The following DAPK2 variants were observed in gnomAD, a reference collection of about 807,000 sequenced individuals.
The protein encoded by DAPK2 is death associated protein kinase 2.
Under a neutral mutation model 44.1 loss-of-function variants are expected in DAPK2, and 35 were observed. That is an observed-to-expected ratio of 0.79 (90% CI 0.61 to 1.05). DAPK2 has a LOEUF of 1.05. Ranked by LOEUF, DAPK2 falls within the 50% of genes least tolerant of loss-of-function variation. The pLI is 0.00. For missense variants in DAPK2, 453 were observed against 483.2 expected (o/e 0.94, Z 0.59); for synonymous variants, 174 against 182.6 (o/e 0.95, Z 0.38).
At chr15:63,965,217 T>A (rs2078020994) in intron 3 of DAPK2, among the ~76,000 whole-genome samples, 2 of 152,240 alleles carry the variant, frequency 1.3e-5, no homozygotes, top group African/African-American at 4.8e-5. Context: ...CTTGTAAAGG[T>A]ACTGCCTTGG....
rs377308488 is a variant in DAPK2, at chr15:64,025,049, G to C, written c.92+15121C>G. 9.9e-5 allele frequency among the ~76,000 whole-genome samples: 15 copies of C among 152,234 alleles called. No individual in the cohort carries two copies. In the South Asian group the frequency reaches 1.3e-3, roughly 13 times the overall value. On this transcript the variant is annotated intron_variant, in intron 1 of 10. Coordinates refer to ENST00000261891, the Ensembl canonical transcript of DAPK2. ...AGCAGGCTCCCCAGTAAACCACCAAGAGACCCAGACACTATTAACAACCAC... is the reference window on the plus strand; with the variant it reads ...AGCAGGCTCCCCAGTAAACCACCAACAGACCCAGACACTATTAACAACCAC...
At chr15:63,977,779 G>A (rs1032807543) in intron 2 of DAPK2, among the ~76,000 whole-genome samples, 2 of 152,194 alleles carry the variant, frequency 1.3e-5, no homozygotes, top group Non-Finnish European at 2.9e-5. Flanking sequence ...GAGGTCTCAG[G>A]AGAGCAAGTG....
chr15:63,951,915 A>G (rs1444490783), intron 3 of DAPK2, among the ~76,000 whole-genome samples: 1 of 152,196 alleles, frequency 6.6e-6, no homozygotes, highest in Non-Finnish European at 1.5e-5. Context: ...GGTAGCAGAA[A>G]GTGACTCACT....
chr15:64,005,720 T>C (rs1567268280), intron 1 of DAPK2, among the ~76,000 whole-genome samples: 1 of 151,980 alleles, frequency 6.6e-6, no homozygotes, highest in Non-Finnish European at 1.5e-5. Context: ...AAGAACCAGA[T>C]TCAAACCACA....
At chr15:63,975,845 C>T (rs2078331756) in intron 2 of DAPK2, among the ~76,000 whole-genome samples, 1 of 152,222 alleles carries the variant, frequency 6.6e-6, no homozygotes, top group Non-Finnish European at 1.5e-5. Flanking sequence ...CCGTCCACCT[C>T]AGCCTCCCAA....
intron 3 of DAPK2, among the ~76,000 whole-genome samples, chr15:63,950,329 T>C (rs1405371537): frequency 6.6e-6 from 1 of 152,096 alleles, no homozygotes; most frequent in East Asian, 1.9e-4. Flanking sequence ...GATCCTCCCA[T>C]CTCAGCCTCT....
intron 1 of DAPK2, among the ~76,000 whole-genome samples, chr15:64,033,981 G>A (rs1338732974): frequency 6.6e-6 from 1 of 151,476 alleles, no homozygotes; most frequent in Non-Finnish European, 1.5e-5. Flanking sequence ...CTCAGCGAGA[G>A]GGCAGAGGGA....
chr15:64,009,415 A>G (rs1480661059), intron 1 of DAPK2, among the ~76,000 whole-genome samples: 1 of 151,866 alleles, frequency 6.6e-6, no homozygotes, highest in Non-Finnish European at 1.5e-5. Context: ...GCTCAAGATT[A>G]TTTTCTCCTT....
chr15:64,028,513 G>T (rs923428884), intron 1 of DAPK2, among the ~76,000 whole-genome samples: 13 of 152,150 alleles, frequency 8.5e-5, no homozygotes, highest in Non-Finnish European at 1.5e-4. Context: ...GAGAAAAACT[G>T]CTATAAAGAA....
chr15:63,999,844 C>A (rs1175224952), intron 1 of DAPK2, among the ~76,000 whole-genome samples: 1 of 151,990 alleles, frequency 6.6e-6, no homozygotes, highest in Non-Finnish European at 1.5e-5. Context: ...CAGTTCACTG[C>A]AGCCTCAAAC....
At chr15:64,003,577 T>C (rs1384478405) in intron 1 of DAPK2, among the ~76,000 whole-genome samples, 5 of 152,142 alleles carry the variant, frequency 3.3e-5, no homozygotes, top group Non-Finnish European at 7.4e-5. Flanking sequence ...AAGTTTCTTT[T>C]CTTTCTTTTC....
In DAPK2 at chr15:64,046,231, G is replaced by T; in HGVS notation, c.-7+67C>A. ...TCTTCGCCCCGCCAGCCCCAGACCC[G>T]GGCGCTGCTGCCGTCAGGCCGCGCG... On this transcript the variant is annotated intron_variant, in intron 1 of 11. Coordinates refer to the DAPK2 transcript ENST00000457488. The surrounding 1 kb of genome is among the most constrained non-coding windows in gnomAD (Gnocchi z 5.3). 1.5e-6 allele frequency: 1 copy of T among 685,468 alleles called. No individual in the cohort carries two copies. Among genetic ancestry groups the T allele is most frequent in the Non-Finnish European group, 1.8e-6 (1 of 555,506 alleles). 42.5% of individuals were successfully genotyped at this position (685,468 alleles called of 1,614,324 possible).
At chr15:64,036,338 C>CATATATATATATATGTATATAT (rs1555484594) in intron 1 of DAPK2, among the ~76,000 whole-genome samples, 18 of 42,982 alleles carry the variant, frequency 4.2e-4, no homozygotes, top group Admixed American at 1.1e-3. Context: ...TATATATATA[C>CATATATATATATATGTATATAT]ATATATATAT....
intron 3 of DAPK2, among the ~76,000 whole-genome samples, chr15:63,957,869 C>T (rs577305802): frequency 5.9e-5 from 9 of 152,094 alleles, no homozygotes; most frequent in Non-Finnish European, 1.2e-4. Flanking sequence ...TGGGTATATG[C>T]CCAGTAATGG....
chr15:63,998,551 T>C lies in DAPK2; in HGVS notation c.93-14797A>G, dbSNP rs1001189101. Reference sequence around the variant, plus strand: ...AGCCTCCTCTATACACAGAGAAGGGTCCCCACATATGCCAGGCTCTCTGGC... The same window carrying C: ...AGCCTCCTCTATACACAGAGAAGGGCCCCCACATATGCCAGGCTCTCTGGC... On this transcript the variant is annotated intron_variant, in intron 1 of 10. Coordinates refer to ENST00000261891, the Ensembl canonical transcript of DAPK2. 2.6e-5 allele frequency among the ~76,000 whole-genome samples: 4 copies of C among 152,000 alleles called. No homozygotes were observed. In the East Asian group the frequency reaches 7.8e-4, roughly 29 times the overall value.
At position 63,939,713 on chromosome 15, in the gene DAPK2, C is replaced by A. The variant is rs2077258230; in HGVS notation, c.454-352G>T. Reference sequence around the variant, plus strand: ...TCAAATGGGGCCAATGAGATACTTGCAGCATTTCCTGTAAACAAACCCAGC... The same window carrying A: ...TCAAATGGGGCCAATGAGATACTTGAAGCATTTCCTGTAAACAAACCCAGC... On this transcript the variant is annotated intron_variant, in intron 3 of 10. Coordinates refer to ENST00000261891, the Ensembl canonical transcript of DAPK2. The surrounding 1 kb of genome is among the most constrained non-coding windows in gnomAD (Gnocchi z 4.3). Among the ~76,000 whole-genome samples the A allele has an allele frequency of 6.6e-6, 1 of 152,192 alleles. No individual in the cohort carries two copies. Among genetic ancestry groups the A allele is most frequent in the Non-Finnish European group, 1.5e-5 (1 of 68,034 alleles).
At chr15:63,972,569 T>C (rs1430315916) in intron 2 of DAPK2, among the ~76,000 whole-genome samples, 1 of 152,218 alleles carries the variant, frequency 6.6e-6, no homozygotes, top group Non-Finnish European at 1.5e-5. Context: ...GCATCCTTGT[T>C]ATAAAGTAGC....
At chr15:64,006,376 G>A (rs763569216) in intron 1 of DAPK2, among the ~76,000 whole-genome samples, 4 of 152,074 alleles carry the variant, frequency 2.6e-5, no homozygotes, top group Non-Finnish European at 5.9e-5. Flanking sequence ...GACCAGCCAG[G>A]GAGCAAAAAT....
chr15:63,935,825 A>T, intron 4 of DAPK2: 1 of 150,606 alleles, frequency 6.6e-6, no homozygotes. Context: ...TGTCTTTGTC[A>T]CTCTATGGTG....
Sources: allele counts gnomAD v4.1 joint callset (sites outside exome capture counted in the v4.1 genomes callset), GRCh38; gene constraint gnomAD v4.1.1; non-coding constraint Gnocchi (gnomAD v3.1); transcripts MANE v1.5; gene names NCBI Gene and HGNC (gene_info 2026-07-23, HGNC 2026-07-21).